CEL: variants seen among roughly 807,000 people sequenced by gnomAD.
CEL encodes the protein carboxyl ester lipase.
CEL carries 39 observed loss-of-function variants against 57.1 expected under a neutral mutation model. The observed-to-expected ratio is 0.68, with a 90% CI of 0.53 to 0.89. The LOEUF is 0.89. CEL is among the 40% of genes least tolerant of loss of function. The probability of loss-of-function intolerance (pLI) is 0.00; values close to 1 mark genes in which losing one functional copy is unlikely to be tolerated. For missense variants in CEL, 698 were observed against 915.0 expected (o/e 0.76, Z 3.06); for synonymous variants, 314 against 396.6 (o/e 0.79, Z 2.48).
chr9:133,064,478 G>C lies in CEL; in HGVS notation c.141G>C (p.Val47=). 6.2e-7 allele frequency: 1 copy of C among 1,614,184 alleles called. No homozygotes were observed. The highest frequency in any genetic ancestry group is 8.5e-7 in the Non-Finnish European group (1 of 1,180,024). The change falls in exon 2 of 11, where the codon GTG becomes GTC. Residue 47 remains valine (V), a synonymous_variant. Transcript: ENST00000372080. ...NKKLGLLGDS[V]DIFKGIPFAA... is the part of the protein sequence containing the mutation. ...AGCTCGGCCTCCTGGGTGACTCTGT[G>C]GACATCTTCAAGGGCATCCCCTTCG... is the stretch of plus-strand genomic sequence containing the variant.
chr9:133,067,847 G>A (rs184094303), intron 7 of CEL, among the ~76,000 whole-genome samples: 33 of 152,150 alleles, frequency 2.2e-4, no homozygotes, highest in African/African-American at 6.7e-4. Context: ...TCATTCATTC[G>A]TTCATTCATT....
At position 133,067,135 on chromosome 9, in the gene CEL, C is replaced by A. The variant is rs755165969; in HGVS notation, c.825C>A (p.Ala275=). 1 of 1,613,966 alleles carries A rather than the reference C, an allele frequency of 6.2e-7. No homozygotes were observed. The change falls in exon 7 of 11, where the codon GCC becomes GCA. Residue 275 remains alanine (A), a synonymous_variant. Coordinates refer to ENST00000372080, the MANE Select transcript of CEL (RefSeq NM_001807.6). ...CTGTGGGTGATGCCGCCAGGATGGCCCAGTGTCTGAAGGTTACTGATCCCC... is the reference window on the plus strand; with the variant it reads ...CTGTGGGTGATGCCGCCAGGATGGCACAGTGTCTGAAGGTTACTGATCCCC... ...GCPVGDAARM[A]QCLKVTDPRA...
chr9:133,064,688 T>A lies in CEL; in HGVS notation c.266T>A (p.Ile89Asn). The change falls in exon 3 of 11, where the codon ATC becomes AAC. Residue 89 changes from isoleucine to asparagine, a missense_variant. Around this residue, in one of 6 missense-constraint regions of CEL, gnomAD observed 327 missense variants for 374.1 expected, o/e 0.87. Transcript: ENST00000372080. Reference sequence around the variant, plus strand: ...AAGAAGAGATGCCTGCAGGCCACCATCACCCAGGACAGCACCTACGGGGAT... The same window carrying A: ...AAGAAGAGATGCCTGCAGGCCACCAACACCCAGGACAGCACCTACGGGGAT... ...NFKKRCLQAT[I>N]TQDSTYGDED... 1 of 1,614,070 alleles carries A rather than the reference T, an allele frequency of 6.2e-7. No individual in the cohort carries two copies. The highest frequency in any genetic ancestry group is 8.5e-7 in the Non-Finnish European group (1 of 1,180,002).
At position 133,064,661 on chromosome 9, in the gene CEL, T is replaced by C. The variant is rs371426439; in HGVS notation, c.239T>C (p.Phe80Ser). 2.7e-4 allele frequency: 437 copies of C among 1,613,868 alleles called. 5 individuals are homozygous for C. The South Asian group carries it at 4.5e-3, about 17-fold the overall frequency. The change falls in exon 3 of 11, where the codon TTC (phenylalanine) becomes TCC (serine). Residue 80 changes from phenylalanine (F) to serine (S), a missense_variant. Coordinates refer to ENST00000372080, the MANE Select transcript of CEL (RefSeq NM_001807.6). Reference protein sequence around the residue: ...GWQGTLKAKNFKKRCLQATIT... With the variant: ...GWQGTLKAKNSKKRCLQATIT... The stretch of plus-strand genomic sequence containing the variant: ...GCAGGGACCCTGAAGGCCAAGAACT[T>C]CAAGAAGAGATGCCTGCAGGCCACC...
intron 1 of CEL, among the ~76,000 whole-genome samples, chr9:133,063,017 C>G (rs1379016336): frequency 6.6e-6 from 1 of 151,872 alleles, no homozygotes; most frequent in Non-Finnish European, 1.5e-5. Context: ...GGCCCAGTCC[C>G]TGCCCCCAGC....
chr9:133,070,107 T>G (rs964776402), intron 9 of CEL, among the ~76,000 whole-genome samples: 26 of 151,408 alleles, frequency 1.7e-4, no homozygotes, highest in African/African-American at 6.3e-4. Context: ...GTGAGCCTCC[T>G]TTCAGTCAAG....
At chr9:133,063,981 G>A (rs1830134114) in intron 1 of CEL, among the ~76,000 whole-genome samples, 1 of 152,270 alleles carries the variant, frequency 6.6e-6, no homozygotes. Context: ...TGAGCATTGG[G>A]TACACTCCTC....
intron 1 of CEL, among the ~76,000 whole-genome samples, 198 bp from the exon 2 acceptor site, chr9:133,064,206 G>T (rs564408267): frequency 1.3e-5 from 2 of 152,204 alleles, no homozygotes; most frequent in Non-Finnish European, 2.9e-5. Context: ...GACACCCCCA[G>T]GGATAAGGAG....
At chr9:133,063,642 AG>A (rs1356473034) in intron 1 of CEL, among the ~76,000 whole-genome samples, 1 of 152,204 alleles carries the variant, frequency 6.6e-6, no homozygotes, top group Non-Finnish European at 1.5e-5. Flanking sequence ...GCTTCTCAAC[AG>A]GGTGACTTCA....
Position 133,066,288 on chromosome 9 carries a change from G to A in CEL, c.539-242G>A, listed in dbSNP as rs190001851. 1.4e-4 allele frequency among the ~76,000 whole-genome samples: 21 copies of A among 151,194 alleles called. No homozygotes were observed. The East Asian group carries it at 4.1e-3, about 29-fold the overall frequency. Reference sequence around the variant, plus strand: ...ACCCACCCCATACAGCACCGCACCCGACTCAGCCTCCTGGGGACCCACCCA... The same window carrying A: ...ACCCACCCCATACAGCACCGCACCCAACTCAGCCTCCTGGGGACCCACCCA... On this transcript the variant is annotated intron_variant, in intron 4 of 10. Coordinates refer to ENST00000372080, the MANE Select transcript of CEL (RefSeq NM_001807.6). This position sits in a 1 kb window ranked among gnomAD's most constrained non-coding sequence, Gnocchi z 4.3.
Position 133,066,845 on chromosome 9 carries a change from C to T in CEL, c.677C>T (p.Ser226Phe). 1.2e-6 allele frequency: 2 copies of T among 1,612,564 alleles called. No homozygotes were observed. Reference sequence around the variant, plus strand: ...GATTTCTGGGTCCCGTAGACCCTCTCCCCCTACAACAAGGGCCTCATCCGG... The same window carrying T: ...GATTTCTGGGTCCCGTAGACCCTCTTCCCCTACAACAAGGGCCTCATCCGG... ...GGASVSLQTL[S>F]PYNKGLIRRA... Residue 226 changes from serine (S) to phenylalanine (F), a missense_variant, in exon 6 of 11, where the codon TCC becomes TTC. Coordinates refer to ENST00000372080, the MANE Select transcript of CEL (RefSeq NM_001807.6). The surrounding 1 kb of genome is among the most constrained non-coding windows in gnomAD (Gnocchi z 4.3).
At chr9:133,067,265 C>A in intron 7 of CEL, 60 bp downstream of exon 7, 1 of 1,432,936 alleles carries the variant, frequency 7.0e-7, no homozygotes, top group Non-Finnish European at 9.8e-7. Context: ...GGGGGTACTG[C>A]CAGGGAGTAC....
rs370356484 is a variant in CEL at position 133,071,653 on chromosome 9, G to A, written c.2151G>A (p.Thr717=). ...CCGAGACCGCCCCCGTGCCGCCCAC[G>A]GGTGACTCCGGGGCCCCCCCTGTGC... ...GDSETAPVPP[T]GDSGAPPVPP... The change falls in exon 11 of 11, where the codon ACG becomes ACA. Residue 717 remains threonine (T), a synonymous_variant. Transcript: ENST00000372080. 3.4e-4 allele frequency: 529 copies of A among 1,548,034 alleles called. 7 individuals are homozygous for A. Among genetic ancestry groups the A allele is most frequent in the Admixed American group, 4.0e-4 (23 of 56,944 alleles).
At chr9:133,063,412 C>T (rs1344678717) in intron 1 of CEL, among the ~76,000 whole-genome samples, 1 of 152,214 alleles carries the variant, frequency 6.6e-6, no homozygotes, top group African/African-American at 2.4e-5. Context: ...CCAACCGCCG[C>T]ACTCTCCCAC....
intron 3 of CEL, 124 bp downstream of exon 3, chr9:133,064,886 G>T: frequency 6.4e-7 from 1 of 1,555,756 alleles, no homozygotes. Context: ...GCGGGGAGGG[G>T]AGCGCCCACT....
Position 133,070,668 on chromosome 9 carries a change from G to A in CEL, c.1484+10G>A. The A allele has an allele frequency of 6.2e-7, 1 of 1,614,128 alleles. No homozygotes were observed. Among genetic ancestry groups the A allele is most frequent in the Admixed American group, 1.7e-5 (1 of 60,034 alleles). ...ACTTTGCCAAAACAGGGTAAGACGT[G>A]GGTTGAGTGCAGGGCGGAGGGCCAC... On this transcript the variant is annotated intron_variant, in intron 10 of 10. Transcript: ENST00000372080.
chr9:133,069,952 C>G (rs982813587), intron 9 of CEL, among the ~76,000 whole-genome samples: 3 of 151,978 alleles, frequency 2.0e-5, no homozygotes, highest in Admixed American at 6.6e-5. Context: ...GCAGGGGCAA[C>G]AGAGTGAGAC....
At chr9:133,064,906 C>A in intron 3 of CEL, 134 bp from the exon 4 acceptor site, 1 of 1,536,140 alleles carries the variant, frequency 6.5e-7, no homozygotes, top group East Asian at 2.3e-5. Flanking sequence ...TGCCGTTGCC[C>A]AGCCTGGGGC....
At chr9:133,064,913 G>A in intron 3 of CEL, 127 bp from the exon 4 acceptor site, 1 of 1,520,854 alleles carries the variant, frequency 6.6e-7, no homozygotes. Flanking sequence ...GCCCAGCCTG[G>A]GGCAGGGCAG....
Sources: allele counts gnomAD v4.1 joint callset (sites outside exome capture counted in the v4.1 genomes callset), GRCh38; gene constraint gnomAD v4.1.1; regional missense constraint gnomAD v4.1.1; non-coding constraint Gnocchi (gnomAD v3.1); transcripts MANE v1.5; gene names NCBI Gene and HGNC (gene_info 2026-07-23, HGNC 2026-07-21).